The following PCCA variants were observed in gnomAD, a reference collection of about 807,000 sequenced individuals.
PCCA encodes propionyl-CoA carboxylase subunit alpha.
A neutral mutation model predicts 101.3 loss-of-function variants in PCCA; 74 were observed. The ratio of observed to expected loss-of-function variants is 0.73; its 90% CI spans 0.61 to 0.89. PCCA has a LOEUF of 0.89. Ranked by LOEUF, PCCA falls within the 40% of genes least tolerant of loss-of-function variation. The pLI, the probability that PCCA is intolerant of heterozygous loss-of-function variation, is 0.00. For missense variants in PCCA, 891 were observed against 907.0 expected, an observed-to-expected ratio of 0.98 and a Z score of 0.23; for synonymous variants, 294 against 313.6, an observed-to-expected ratio of 0.94 and a Z score of 0.66.
Position 100,155,245 on chromosome 13 carries a change from A to G in PCCA, c.414+153A>G, listed in dbSNP as rs948875533. The stretch of plus-strand genomic sequence containing the variant: ...TGAGTTAAATGTGGTCGAATTCGCT[A>G]CTGGAAATCAAAGGCTTTGTAGCAT... On this transcript the variant is annotated intron_variant, in intron 5 of 23. Coordinates refer to ENST00000376285, the MANE Select transcript of PCCA (RefSeq NM_000282.4). Among the ~76,000 whole-genome samples, 4 of 152,318 alleles carry G rather than the reference A, an allele frequency of 2.6e-5. No individual in the cohort carries two copies. The East Asian group carries it at 7.7e-4, about 29-fold the overall frequency.
intron 21 of PCCA, chr13:100,491,095 ACCT>A (rs10604327): frequency 0.1 from 15,788 of 151,982 alleles, 1,355 homozygotes; most frequent in African/African-American, 0.24. Flanking sequence ...CTGCTTTAAG[ACCT>A]CCTGGTTTAT....
intron 4 of PCCA, among the ~76,000 whole-genome samples, chr13:100,142,765 C>T (rs752175827): frequency 1.9e-4 from 29 of 152,314 alleles, no homozygotes; most frequent in Non-Finnish European, 3.5e-4. Context: ...TGAGCCACCA[C>T]ACCCAGCTGA....
chr13:100,363,864 C>G (rs2074897635), intron 18 of PCCA, among the ~76,000 whole-genome samples: 1 of 152,270 alleles, frequency 6.6e-6, no homozygotes, highest in Non-Finnish European at 1.5e-5. Context: ...AAAGTATTTA[C>G]TCAAAAGCAC....
intron 19 of PCCA, among the ~76,000 whole-genome samples, chr13:100,399,028 T>G (rs1258056526): frequency 6.6e-6 from 1 of 152,130 alleles, no homozygotes; most frequent in Non-Finnish European, 1.5e-5. Context: ...TTGGTTAATT[T>G]GAAGAAATAC....
intron 6 of PCCA, among the ~76,000 whole-genome samples, chr13:100,203,662 C>T (rs758501589): frequency 1.1e-4 from 16 of 152,086 alleles, no homozygotes; most frequent in African/African-American, 2.9e-4. Context: ...CGCTGCACTC[C>T]GGAGTGAGAC....
At chr13:100,110,675 A>G (rs2048230176) in intron 2 of PCCA, among the ~76,000 whole-genome samples, 1 of 152,244 alleles carries the variant, frequency 6.6e-6, no homozygotes, top group Non-Finnish European at 1.5e-5. Flanking sequence ...CCCTGTCCCA[A>G]CAGAGATAGC....
At chr13:100,468,066 A>G (rs1284252077) in intron 21 of PCCA, among the ~76,000 whole-genome samples, 1 of 152,246 alleles carries the variant, frequency 6.6e-6, no homozygotes, top group East Asian at 1.9e-4. Flanking sequence ...CTCCTTGTAT[A>G]TCTCCGTCAG....
At chr13:100,096,786 C>A (rs1015606967) in intron 1 of PCCA, among the ~76,000 whole-genome samples, 6 of 152,214 alleles carry the variant, frequency 3.9e-5, no homozygotes, top group African/African-American at 1.4e-4. Context: ...TTTCCTTAAG[C>A]CATAGCCTAA....
At chr13:100,385,386 A>G (rs1325654841) in intron 19 of PCCA, among the ~76,000 whole-genome samples, 1 of 152,232 alleles carries the variant, frequency 6.6e-6, no homozygotes, top group Non-Finnish European at 1.5e-5. Context: ...TAGTCACAAA[A>G]TAAGGGATGC....
chr13:100,524,987 A>ATGGATG (rs58963772), intron 22 of PCCA, among the ~76,000 whole-genome samples: 1,189 of 56,272 alleles, frequency 0.021, 10 homozygotes, highest in African/African-American at 0.057. Context: ...TAAGATGGAT[A>ATGGATG]GATAGATAGA....
At chr13:100,462,575 C>T (rs191682246) in intron 21 of PCCA, among the ~76,000 whole-genome samples, 1 of 152,288 alleles carries the variant, frequency 6.6e-6, no homozygotes, top group Non-Finnish European at 1.5e-5. Flanking sequence ...TATTGATAAA[C>T]AGTACAGTCC....
chr13:100,461,553 G>A (rs1260258774), intron 21 of PCCA, among the ~76,000 whole-genome samples: 3 of 152,104 alleles, frequency 2.0e-5, no homozygotes, highest in South Asian at 2.1e-4. Flanking sequence ...TCAGTCTTCC[G>A]TATCTCATAA....
At chr13:100,372,507 A>G (rs2075637245) in intron 19 of PCCA, among the ~76,000 whole-genome samples, 1 of 152,208 alleles carries the variant, frequency 6.6e-6, no homozygotes, top group African/African-American at 2.4e-5. Context: ...ACACTTCTAT[A>G]TATGAAAGGA....
intron 12 of PCCA, among the ~76,000 whole-genome samples, chr13:100,283,247 G>A: frequency 6.6e-6 from 1 of 152,168 alleles, no homozygotes; most frequent in African/African-American, 2.4e-5. Context: ...TCTTAGTCAA[G>A]TAAATGATAG....
intron 19 of PCCA, among the ~76,000 whole-genome samples, chr13:100,380,699 G>A (rs572327363): frequency 6.6e-6 from 1 of 152,296 alleles, no homozygotes; most frequent in African/African-American, 2.4e-5. Context: ...AAAATGGATT[G>A]AAGACCTAAA....
intron 19 of PCCA, among the ~76,000 whole-genome samples, chr13:100,389,132 A>G (rs541798459): frequency 1.0e-3 from 152 of 152,298 alleles, no homozygotes; most frequent in African/African-American, 3.5e-3. Context: ...TTGAGTGGTA[A>G]CAGGGAGGGC....
chr13:100,451,735 T>TCTCTCTCTTC (rs1566341855), intron 21 of PCCA, among the ~76,000 whole-genome samples: 2 of 102,500 alleles, frequency 2.0e-5, no homozygotes, highest in Non-Finnish European at 3.9e-5. Flanking sequence ...TCTCTCTCTC[T>TCTCTCTCTTC]CTCTTCTCTC....
chr13:100,315,541 T>C (rs902772711), intron 16 of PCCA, among the ~76,000 whole-genome samples: 2 of 152,220 alleles, frequency 1.3e-5, no homozygotes, highest in Non-Finnish European at 2.9e-5. Flanking sequence ...CTGTGCTGAT[T>C]GTGAACTTTT....
chr13:100,231,832 G>A (rs1359686225), intron 7 of PCCA, among the ~76,000 whole-genome samples: 2 of 151,930 alleles, frequency 1.3e-5, no homozygotes, highest in Non-Finnish European at 2.9e-5. Context: ...TGGGCCTCCT[G>A]AGTAGCTGGG....
Sources: gnomAD v4.1 joint callset for allele counts (sites outside exome capture counted in the v4.1 genomes callset) on GRCh38, gnomAD v4.1.1 for gene constraint, MANE v1.5 for transcripts, NCBI Gene and HGNC (gene_info 2026-07-23, HGNC 2026-07-21) for gene names.